The following MGMT variants were observed in gnomAD, a reference collection of about 807,000 sequenced individuals.
MGMT encodes methylated-DNA--protein-cysteine methyltransferase.
A neutral mutation model predicts 15.9 loss-of-function variants in MGMT; 14 were observed. The observed-to-expected ratio is 0.88, with a 90% CI of 0.58 to 1.37. MGMT has a LOEUF of 1.37. Ranked by LOEUF, MGMT falls within the 40% of genes most tolerant of loss-of-function variation. The pLI is 0.00. For synonymous variants in MGMT, 130 were observed against 118.2 expected (o/e 1.10, Z -0.65); for missense variants, 282 against 268.1 (o/e 1.05, Z -0.36).
At chr10:129,655,305 C>G (rs1233078727) in intron 2 of MGMT, among the ~76,000 whole-genome samples, 1 of 152,292 alleles carries the variant, frequency 6.6e-6, no homozygotes, top group African/African-American at 2.4e-5. Flanking sequence ...GGGCCGCCTC[C>G]GAGCATGCGG....
chr10:129,732,768 T>C (rs1308060831), intron 3 of MGMT, among the ~76,000 whole-genome samples: 1 of 146,908 alleles, frequency 6.8e-6, no homozygotes, highest in African/African-American at 2.5e-5. Context: ...CCATGTGTTC[T>C]CATTGTTCAG....
intron 1 of MGMT, among the ~76,000 whole-genome samples, chr10:129,528,890 A>G (rs935070615): frequency 1.3e-5 from 2 of 152,356 alleles, no homozygotes; most frequent in East Asian, 3.9e-4. Context: ...CTTTGGCTAC[A>G]GTTGTGACAC....
At chr10:129,710,648 CCT>C (rs1220923824) in intron 3 of MGMT, among the ~76,000 whole-genome samples, 2 of 152,186 alleles carry the variant, frequency 1.3e-5, no homozygotes, top group Non-Finnish European at 2.9e-5. Flanking sequence ...TGGATACGCC[CCT>C]CTCTGTCTGG....
At position 129,695,656 on chromosome 10, in the gene MGMT, A is replaced by G. The variant is rs74160264; in HGVS notation, c.126-12239A>G. Among the ~76,000 whole-genome samples the G allele has an allele frequency of 7.0e-3, 1,064 of 152,354 alleles. 15 individuals carry two copies. Among genetic ancestry groups the G allele is most frequent in the African/African-American group, 0.024 (1,008 of 41,580 alleles). On this transcript the variant is annotated intron_variant, in intron 2 of 4. Coordinates refer to ENST00000651593, the MANE Select transcript of MGMT (RefSeq NM_002412.5). ...TGAATTGTGTCAATTAGGGGTAGGTACATCTTAGCCCTGTTGGTACCAAAA... is the reference window on the plus strand; with the variant it reads ...TGAATTGTGTCAATTAGGGGTAGGTGCATCTTAGCCCTGTTGGTACCAAAA...
intron 2 of MGMT, among the ~76,000 whole-genome samples, chr10:129,635,613 A>C (rs1013980850): frequency 1.3e-5 from 2 of 152,240 alleles, no homozygotes; most frequent in South Asian, 4.1e-4. Flanking sequence ...TTTTTAAAAA[A>C]TAATTGTAAG....
chr10:129,542,236 T>G (rs934127136), intron 2 of MGMT, among the ~76,000 whole-genome samples: 2 of 152,098 alleles, frequency 1.3e-5, no homozygotes, highest in Non-Finnish European at 2.9e-5. Context: ...CCCTCAGCCG[T>G]GCATGGGGTC....
At chr10:129,496,682 C>CGT (rs953391391) in intron 1 of MGMT, among the ~76,000 whole-genome samples, 2 of 152,040 alleles carry the variant, frequency 1.3e-5, no homozygotes, top group Non-Finnish European at 1.5e-5. Flanking sequence ...CTAGCTGTCC[C>CGT]GTGCTCTAGA....
rs986404960 is a variant in MGMT at position 129,556,604 on chromosome 10, G to A, written c.125+20227G>A. Among the ~76,000 whole-genome samples, 11 of 152,174 alleles carry A rather than the reference G, an allele frequency of 7.2e-5. No individual in the cohort carries two copies. The highest frequency in any genetic ancestry group is 1.9e-4 in the African/African-American group (8 of 41,450). On this transcript the variant is annotated intron_variant, in intron 2 of 4. Transcript: ENST00000651593. This position sits in a 1 kb window ranked among gnomAD's most constrained non-coding sequence, Gnocchi z 4.3. ...TTCAGCTTTACCGTCTTGCTGCAGC[G>A]GGAACGTCCTGCTGTAGAAGAGGCG... is the stretch of plus-strand genomic sequence containing the variant.
intron 2 of MGMT, among the ~76,000 whole-genome samples, chr10:129,608,662 C>T (rs1297373463): frequency 3.3e-5 from 5 of 152,218 alleles, no homozygotes; most frequent in Admixed American, 6.5e-5. Flanking sequence ...TCTATTCCTT[C>T]ACCTTCTTGC....
chr10:129,537,538 A>G lies in MGMT; in HGVS notation c.125+1161A>G, dbSNP rs964039769. ...GTCTTTTAGCATGTTCAGTTGCACA[A>G]TAAATCATAGAAATTATGTGTTGGT... On this transcript the variant is annotated intron_variant, in intron 2 of 4. Coordinates refer to ENST00000651593, the MANE Select transcript of MGMT (RefSeq NM_002412.5). 2.0e-5 allele frequency among the ~76,000 whole-genome samples: 3 copies of G among 152,214 alleles called. No homozygotes were observed. In the South Asian group the frequency reaches 6.2e-4, roughly 32 times the overall value.
chr10:129,549,384 T>TG (rs1487198177), intron 2 of MGMT, among the ~76,000 whole-genome samples: 1 of 152,236 alleles, frequency 6.6e-6, no homozygotes, highest in African/African-American at 2.4e-5. Context: ...AACTGGCTTC[T>TG]GGAGAAGAAA....
chr10:129,588,394 C>T (rs1271825663), intron 2 of MGMT, among the ~76,000 whole-genome samples: 4 of 152,226 alleles, frequency 2.6e-5, no homozygotes, highest in Admixed American at 6.5e-5. Flanking sequence ...ATTTGTTATG[C>T]AGCAGTAAGA....
At chr10:129,555,542 A>G (rs1450488119) in intron 2 of MGMT, among the ~76,000 whole-genome samples, 1 of 151,564 alleles carries the variant, frequency 6.6e-6, no homozygotes, top group East Asian at 2.0e-4. Context: ...TTCTGTCTCT[A>G]CAAAAAAACT....
chr10:129,526,791 G>A (rs561417159), intron 1 of MGMT, among the ~76,000 whole-genome samples: 151 of 152,310 alleles, frequency 9.9e-4, no homozygotes, highest in Non-Finnish European at 1.6e-3. Flanking sequence ...CAGCAGGCCT[G>A]GAAAACGACT....
At chr10:129,484,834 A>G (rs576539833) in intron 1 of MGMT, among the ~76,000 whole-genome samples, 121 of 152,230 alleles carry the variant, frequency 7.9e-4, no homozygotes, top group African/African-American at 2.8e-3. Context: ...GGTCCAGACC[A>G]GGTTTTAGTC....
chr10:129,589,890 A>G (rs1250112218), intron 2 of MGMT, among the ~76,000 whole-genome samples: 2 of 152,262 alleles, frequency 1.3e-5, no homozygotes, highest in African/African-American at 4.8e-5. Flanking sequence ...TCCAGAAGAC[A>G]GAGGCAGAGG....
intron 1 of MGMT, among the ~76,000 whole-genome samples, chr10:129,515,256 G>T (rs1381858029): frequency 6.6e-6 from 1 of 152,216 alleles, no homozygotes; most frequent in Non-Finnish European, 1.5e-5. Flanking sequence ...TTCCCCACTC[G>T]CCAAGGCCCC....
chr10:129,623,197 A>G (rs1225161483), intron 2 of MGMT, among the ~76,000 whole-genome samples: 3 of 152,190 alleles, frequency 2.0e-5, no homozygotes, highest in Admixed American at 1.3e-4. Context: ...TTAGGAGCAT[A>G]CAGTCTAGTT....
rs557864295 is a variant in MGMT, at chr10:129,532,842, C to T, written c.-12-3399C>T. On this transcript the variant is annotated intron_variant, in intron 1 of 4. Coordinates refer to ENST00000651593, the MANE Select transcript of MGMT (RefSeq NM_002412.5). This position sits in a 1 kb window ranked among gnomAD's most constrained non-coding sequence, Gnocchi z 5.3. Reference sequence around the variant, plus strand: ...GAAATAGAGGCTTGAGAGAGGAGTGCGCAGCTAGTGTCTGACCAGCCCCCA... The same window carrying T: ...GAAATAGAGGCTTGAGAGAGGAGTGTGCAGCTAGTGTCTGACCAGCCCCCA... Among the ~76,000 whole-genome samples the T allele has an allele frequency of 1.0e-3, 152 of 152,260 alleles. 1 individual carries two copies. Among genetic ancestry groups the T allele is most frequent in the African/African-American group, 3.5e-3 (145 of 41,540 alleles).
Sources: allele counts gnomAD v4.1 joint callset (sites outside exome capture counted in the v4.1 genomes callset), GRCh38; gene constraint gnomAD v4.1.1; non-coding constraint Gnocchi (gnomAD v3.1); transcripts MANE v1.5; gene names NCBI Gene and HGNC (gene_info 2026-07-23, HGNC 2026-07-21).